PTPA: variants seen among roughly 807,000 people sequenced by gnomAD.
The protein encoded by PTPA is protein phosphatase 2 phosphatase activator.
Under a neutral mutation model 43.6 loss-of-function variants are expected in PTPA, and 13 were observed. The ratio of observed to expected loss-of-function variants is 0.30; its 90% CI spans 0.19 to 0.47. The LOEUF (loss-of-function observed/expected upper bound fraction) is 0.47, where lower values mean the gene tolerates loss of function less well. Ranked by LOEUF, PTPA falls within the 20% of genes least tolerant of loss-of-function variation. PTPA has a pLI of 0.99. For missense variants in PTPA, 329 were observed against 411.9 expected (o/e 0.80, Z 1.74); for synonymous variants, 172 against 158.2 (o/e 1.09, Z -0.66).
At chr9:129,137,483 G>A in intron 7 of PTPA, 109 bp from the exon 8 acceptor site, 1 of 757,502 alleles carries the variant, frequency 1.3e-6, no homozygotes, top group East Asian at 2.7e-5. Context: ...AGGTGTTGAG[G>A]GCACCACGGG....
chr9:129,135,565 C>T (rs1220388714), intron 6 of PTPA, among the ~76,000 whole-genome samples: 2 of 152,296 alleles, frequency 1.3e-5, no homozygotes, highest in Admixed American at 6.5e-5. Flanking sequence ...CAGAGATATC[C>T]GGTGTCTTCA....
chr9:129,136,436 T>C (rs1850373180), intron 6 of PTPA, 35 bp from the exon 7 acceptor site: 1 of 1,585,656 alleles, frequency 6.3e-7, no homozygotes, highest in East Asian at 2.3e-5. Context: ...CTTTTTACTT[T>C]TTGCTACCTT....
intron 3 of PTPA, among the ~76,000 whole-genome samples, chr9:129,124,377 T>G (rs1023127127): frequency 6.6e-6 from 1 of 151,942 alleles, no homozygotes; most frequent in Non-Finnish European, 1.5e-5. Context: ...CTTCAGACTT[T>G]TAGGTTGTCT....
rs941824644 is a variant in PTPA at position 129,111,722 on chromosome 9, C to T, written c.31+91C>T. On this transcript the variant is annotated intron_variant, in intron 1 of 9. Transcript: ENST00000393370. ...GCTCAGGAGGGCGAGAGTCATGACA[C>T]GGAGGAACTGGAGGGGCAAAAGCTG... is the stretch of plus-strand genomic sequence containing the variant. 77 of 1,236,290 alleles carry T rather than the reference C, an allele frequency of 6.2e-5. No individual in the cohort carries two copies. The African/African-American group carries it at 1.1e-3, about 18-fold the overall frequency. The allele number at this position is 1,236,290 out of a possible 1,614,324, so 76.6% of individuals were successfully genotyped here.
intron 1 of PTPA, chr9:129,119,536 G>T (rs1311571982): frequency 6.6e-6 from 1 of 151,910 alleles, no homozygotes; most frequent in East Asian, 1.9e-4. Context: ...CTCCCAAGTA[G>T]CTGGGACCGC....
Position 129,114,633 on chromosome 9 carries a change from T to C in PTPA, c.31+3002T>C, listed in dbSNP as rs374768100. Among the ~76,000 whole-genome samples, 5 of 152,310 alleles carry C rather than the reference T, an allele frequency of 3.3e-5. No homozygotes were observed. In the East Asian group the frequency reaches 5.8e-4, roughly 18 times the overall value. ...GTACAGGTTGAACATGTAGACGAGTTTCAAATGGCCAATGATAATGCTATA... is the reference window on the plus strand; with the variant it reads ...GTACAGGTTGAACATGTAGACGAGTCTCAAATGGCCAATGATAATGCTATA... On this transcript the variant is annotated intron_variant, in intron 1 of 9. Transcript: ENST00000393370.
At chr9:129,124,210 A>AT (rs199617349) in intron 3 of PTPA, among the ~76,000 whole-genome samples, 46 of 149,306 alleles carry the variant, frequency 3.1e-4, no homozygotes, top group South Asian at 1.3e-3. Flanking sequence ...ATCTTATTTT[A>AT]TTTTTTTTTT....
chr9:129,111,485 A>T lies in PTPA; in HGVS notation c.-116A>T. The T allele has an allele frequency of 2.4e-6, 3 of 1,263,600 alleles. No homozygotes were observed. Among genetic ancestry groups the T allele is most frequent in the Non-Finnish European group, 3.0e-6 (3 of 996,252 alleles). 78.3% of individuals were successfully genotyped at this position (1,263,600 alleles called of 1,614,324 possible). A position where few individuals can be genotyped will look rare whatever the true frequency, so the allele number is the denominator to read the frequency against. On this transcript the variant is annotated 5_prime_UTR_variant, in exon 1 of 10. Coordinates refer to ENST00000393370, the MANE Select transcript of PTPA (RefSeq NM_178000.3). ...TTTCGGTTATAGCCGGCCGGCGCTC[A>T]CTTGTCTTCAGGAAGCTCGGAGCCT...
chr9:129,145,729 G>T lies in PTPA; in HGVS notation c.895-1658G>T, dbSNP rs76887921. Among the ~76,000 whole-genome samples, 5 of 152,156 alleles carry T rather than the reference G, an allele frequency of 3.3e-5. No individual in the cohort carries two copies. The East Asian group carries it at 5.8e-4, about 18-fold the overall frequency. On this transcript the variant is annotated intron_variant, in intron 9 of 9. Coordinates refer to ENST00000393370, the MANE Select transcript of PTPA (RefSeq NM_178000.3). ...GGCCTTGTGTGGTTGCGGGGCGGCG[G>T]GGGGGAGGGTCTGTCTTTCCTCTGG...
At chr9:129,114,395 C>G (rs1848735655) in intron 1 of PTPA, among the ~76,000 whole-genome samples, 1 of 152,220 alleles carries the variant, frequency 6.6e-6, no homozygotes, top group African/African-American at 2.4e-5. Context: ...TGGCAAGTCA[C>G]AGCTCTGTGA....
intron 6 of PTPA, among the ~76,000 whole-genome samples, chr9:129,136,126 C>T (rs932908445): frequency 2.0e-5 from 3 of 152,168 alleles, no homozygotes; most frequent in African/African-American, 7.2e-5. Flanking sequence ...CACCACCACA[C>T]CTGGCTGATT....
Position 129,137,838 on chromosome 9 carries a change from C to G in PTPA, c.786+146C>G, listed in dbSNP as rs1274177910. The G allele has an allele frequency of 5.4e-6, 4 of 747,356 alleles. No homozygotes were observed. In the East Asian group the frequency reaches 1.1e-4, roughly 20 times the overall value. The allele number at this position is 747,356 out of a possible 1,614,324, so 46.3% of individuals were successfully genotyped here. On this transcript the variant is annotated intron_variant, in intron 8 of 9. Transcript: ENST00000393370. ...GGAGCGGGTTATTGAAAAGGAAGCA[C>G]CACTGGGCCTCTTCCGAAAGAGCCG...
At chr9:129,140,775 C>T (rs902767920) in intron 8 of PTPA, among the ~76,000 whole-genome samples, 1 of 115,254 alleles carries the variant, frequency 8.7e-6, no homozygotes, top group Non-Finnish European at 1.7e-5. Flanking sequence ...CTGGAGCCTG[C>T]AGACTGGGGA....
chr9:129,127,137 C>T (rs1849631622), intron 3 of PTPA, among the ~76,000 whole-genome samples: 1 of 152,216 alleles, frequency 6.6e-6, no homozygotes, highest in Admixed American at 6.5e-5. Flanking sequence ...AGCCCTCTGC[C>T]TTAGCCAGGT....
chr9:129,126,304 C>A (rs1204506668), intron 3 of PTPA, among the ~76,000 whole-genome samples: 1 of 152,032 alleles, frequency 6.6e-6, no homozygotes, highest in Middle Eastern at 3.2e-3. Flanking sequence ...AACGATTCTC[C>A]TGCCTCAGCC....
intron 9 of PTPA, among the ~76,000 whole-genome samples, chr9:129,147,179 C>T (rs1851359397): frequency 6.6e-6 from 1 of 151,134 alleles, no homozygotes; most frequent in African/African-American, 2.4e-5. Flanking sequence ...GCTGCCTTTT[C>T]TCTTTCTCTC....
At chr9:129,137,533 G>T (rs1014471527) in intron 7 of PTPA, 59 bp from the exon 8 acceptor site, 6 of 1,406,504 alleles carry the variant, frequency 4.3e-6, no homozygotes, top group Non-Finnish European at 5.9e-6. Flanking sequence ...TGCTGGGCCG[G>T]GTTGCCCAGG....
At chr9:129,114,023 ACTT>A (rs1237350818) in intron 1 of PTPA, among the ~76,000 whole-genome samples, 4 of 151,908 alleles carry the variant, frequency 2.6e-5, no homozygotes, top group East Asian at 1.9e-4. Context: ...GCTGGAAAGA[ACTT>A]CTTCTTTTTA....
rs189753729 is a variant in PTPA, at chr9:129,147,879, C to A, written c.*415C>A. 109 of 191,296 alleles carry A rather than the reference C, an allele frequency of 5.7e-4. No individual in the cohort carries two copies. Among genetic ancestry groups the A allele is most frequent in the Non-Finnish European group, 1.0e-3 (93 of 91,490 alleles). The allele number at this position is 191,296 out of a possible 1,614,324, so 11.8% of individuals were successfully genotyped here. On this transcript the variant is annotated 3_prime_UTR_variant, in exon 10 of 10. Transcript: ENST00000393370. ...TTCCCTTCCTGGAGTCGATGCCTTT[C>A]TAAGGGTTGGAGCTGCTCCTTGCAG...
Sources: gnomAD v4.1 joint callset for allele counts (sites outside exome capture counted in the v4.1 genomes callset) on GRCh38, gnomAD v4.1.1 for gene constraint, MANE v1.5 for transcripts, NCBI Gene and HGNC (gene_info 2026-07-23, HGNC 2026-07-21) for gene names.